The following LMBRD2 variants were observed in gnomAD, a reference collection of about 807,000 sequenced individuals.
LMBRD2 encodes G protein-coupled receptor-associated protein LMBRD2.
A neutral mutation model predicts 94.4 loss-of-function variants in LMBRD2; 55 were observed. The ratio of observed to expected loss-of-function variants is 0.58; its 90% CI spans 0.47 to 0.73. LMBRD2 has a LOEUF of 0.73. LMBRD2 is among the 30% of genes least tolerant of loss of function. The pLI is 0.00. For synonymous variants in LMBRD2, 246 were observed against 272.4 expected, an observed-to-expected ratio of 0.90 and a Z score of 0.95; for missense variants, 640 against 831.9, an observed-to-expected ratio of 0.77 and a Z score of 2.84.
At chr5:36,107,312 G>A (rs1743496162) in intron 16 of LMBRD2, among the ~76,000 whole-genome samples, 1 of 152,142 alleles carries the variant, frequency 6.6e-6, no homozygotes, top group African/African-American at 2.4e-5. Flanking sequence ...TCACTGCACT[G>A]TCTGATAATT....
rs188872614 is a variant in LMBRD2 at position 36,121,808 on chromosome 5, T to C, written c.1120+472A>G. Among the ~76,000 whole-genome samples the C allele has an allele frequency of 4.6e-5, 7 of 152,326 alleles. No homozygotes were observed. In the East Asian group the frequency reaches 1.3e-3, roughly 29 times the overall value. ...ATGTTTATATACACAAAAACCACTG[T>C]GTTACAACTGCCTACACTATTCAGT... On this transcript the variant is annotated intron_variant, in intron 9 of 17. Transcript: ENST00000296603.
intron 11 of LMBRD2, among the ~76,000 whole-genome samples, chr5:36,116,137 T>C (rs1266465881): frequency 6.6e-6 from 1 of 152,200 alleles, no homozygotes; most frequent in Non-Finnish European, 1.5e-5. Flanking sequence ...GACCGCTGAA[T>C]CTTAGAACAC....
chr5:36,137,224 A>T (rs1158250975), intron 5 of LMBRD2, 50 bp downstream of exon 5: 9 of 1,248,322 alleles, frequency 7.2e-6, no homozygotes, highest in East Asian at 2.4e-5. Context: ...ATGATTTTTT[A>T]AAAATGCAAA....
At chr5:36,112,825 T>C (rs935175312) in intron 13 of LMBRD2, among the ~76,000 whole-genome samples, 1 of 152,096 alleles carries the variant, frequency 6.6e-6, no homozygotes, top group African/African-American at 2.4e-5. Context: ...TTAAAAAAAT[T>C]TATACAAGTT....
At chr5:36,111,352 A>T (rs40029) in intron 13 of LMBRD2, 94 bp from the exon 14 acceptor site, 37 of 829,682 alleles carry the variant, frequency 4.5e-5, no homozygotes, top group Non-Finnish European at 7.2e-5. Flanking sequence ...CCAAAAGAAG[A>T]CTATGCTTCA....
chr5:36,116,310 A>G (rs896270095), intron 11 of LMBRD2, 150 bp downstream of exon 11: 1 of 791,820 alleles, frequency 1.3e-6, no homozygotes, highest in African/African-American at 1.8e-5. Context: ...CTGGCAATCA[A>G]CAAACATCAA....
In LMBRD2 at chr5:36,103,900, C is replaced by T; in HGVS notation, c.*146G>A. 3.5e-6 allele frequency: 2 copies of T among 574,824 alleles called. No homozygotes were observed. Among genetic ancestry groups the T allele is most frequent in the South Asian group, 2.2e-5 (1 of 45,874 alleles). 35.6% of individuals were successfully genotyped at this position (574,824 alleles called of 1,614,324 possible). ...TTCAATGCACATTAAACTATTATTC[C>T]TAAGATATAATTAATTCTCAGTGCC... On this transcript the variant is annotated 3_prime_UTR_variant, in exon 18 of 18. Coordinates refer to ENST00000296603, the MANE Select transcript of LMBRD2 (RefSeq NM_001007527.2).
chr5:36,120,706 T>A (rs1409859341), intron 9 of LMBRD2, among the ~76,000 whole-genome samples: 2 of 152,202 alleles, frequency 1.3e-5, no homozygotes, highest in East Asian at 3.9e-4. Flanking sequence ...CAATTGCTCC[T>A]CTTCTTATTT....
At chr5:36,141,271 C>A in intron 3 of LMBRD2, 69 bp from the exon 4 acceptor site, 5 of 863,898 alleles carry the variant, frequency 5.8e-6, no homozygotes, top group Admixed American at 2.2e-5. Context: ...AATTAATTTG[C>A]ATGTGGCCAA....
intron 1 of LMBRD2, among the ~76,000 whole-genome samples, chr5:36,145,969 T>C (rs918295433): frequency 1.3e-5 from 2 of 152,200 alleles, no homozygotes; most frequent in Admixed American, 6.5e-5. Flanking sequence ...CTTTAGGTGG[T>C]AAGATTATGG....
rs754944387 is a variant in LMBRD2 at position 36,117,721 on chromosome 5, TA to T, written c.1302+13del. The T allele has an allele frequency of 5.1e-6, 8 of 1,556,892 alleles. No individual in the cohort carries two copies. The highest frequency in any genetic ancestry group is 6.2e-6 in the Non-Finnish European group (7 of 1,138,066). On this transcript the variant is annotated intron_variant, in intron 10 of 17. Coordinates refer to ENST00000296603, the MANE Select transcript of LMBRD2 (RefSeq NM_001007527.2). ...AAGTGACATCTATTTATGACAGACA[TA>T]AAATAAACTGACCTCGATATAAATA... is the stretch of plus-strand genomic sequence containing the variant.
rs1743386316 is a variant in LMBRD2, at chr5:36,103,403, AG to A, written c.*642del. On this transcript the variant is annotated 3_prime_UTR_variant, in exon 18 of 18. Coordinates refer to ENST00000296603, the MANE Select transcript of LMBRD2 (RefSeq NM_001007527.2). ...AAGGAATACTATATCACCTGATTAT[AG>A]TACACATGCTAAATACACAGACACG... 1 of 152,358 alleles carries A rather than the reference AG, an allele frequency of 6.6e-6. No individual in the cohort carries two copies. Among genetic ancestry groups the A allele is most frequent in the African/African-American group, 2.4e-5 (1 of 41,432 alleles). The allele number at this position is 152,358 out of a possible 1,614,324, so 9.4% of individuals were successfully genotyped here.
At chr5:36,126,986 G>A (rs894642638) in intron 6 of LMBRD2, among the ~76,000 whole-genome samples, 10 of 152,146 alleles carry the variant, frequency 6.6e-5, no homozygotes, top group East Asian at 5.8e-4. Flanking sequence ...TACCCATCCC[G>A]CAAGGCCCAG....
rs1174697183 is a variant in LMBRD2, at chr5:36,098,802, T to C, written c.*5244A>G. On this transcript the variant is annotated 3_prime_UTR_variant, in exon 18 of 18. Coordinates refer to ENST00000296603, the MANE Select transcript of LMBRD2 (RefSeq NM_001007527.2). ...TTTTCCAAGTACATATTTGAAAATG[T>C]AGTGAGAATCTACAGAGAAAAAAAA... 6.6e-6 allele frequency: 1 copy of C among 151,718 alleles called. No individual in the cohort carries two copies. The highest frequency in any genetic ancestry group is 2.4e-5 in the African/African-American group (1 of 41,124). 9.4% of individuals were successfully genotyped at this position (151,718 alleles called of 1,614,324 possible).
chr5:36,126,573 C>T (rs1476158799), intron 6 of LMBRD2, among the ~76,000 whole-genome samples: 1 of 152,178 alleles, frequency 6.6e-6, no homozygotes, highest in Non-Finnish European at 1.5e-5. Context: ...GTTTCTCCCT[C>T]CCTAAAATTC....
At chr5:36,122,209 G>A (rs561649306) in intron 9 of LMBRD2, 71 bp downstream of exon 9, 1 of 1,144,686 alleles carries the variant, frequency 8.7e-7, no homozygotes, top group African/African-American at 1.6e-5. Flanking sequence ...TTGCATTGGT[G>A]AAAATACATA....
At chr5:36,114,559 C>T (rs1743693674) in intron 12 of LMBRD2, 38 bp from the exon 13 acceptor site, 1 of 1,492,868 alleles carries the variant, frequency 6.7e-7, no homozygotes, top group South Asian at 1.5e-5. Context: ...ATTGGAATAG[C>T]TCTATAATTT....
Position 36,151,401 on chromosome 5 carries a change from C to T in LMBRD2, c.-58+155G>A, listed in dbSNP as rs1744707369. On this transcript the variant is annotated intron_variant, in intron 1 of 17. Coordinates refer to ENST00000296603, the MANE Select transcript of LMBRD2 (RefSeq NM_001007527.2). The surrounding 1 kb of genome is among the most constrained non-coding windows in gnomAD (Gnocchi z 4.7). ...AAAATTAAACCATTGTCTCTCGTTC[C>T]AACGGCGTGTTTAGCTGTTGTGCGT... 1.3e-5 allele frequency among the ~76,000 whole-genome samples: 2 copies of T among 152,200 alleles called. No homozygotes were observed. The highest frequency in any genetic ancestry group is 1.3e-4 in the Admixed American group (2 of 15,276).
At chr5:36,133,325 C>T (rs560426218) in intron 6 of LMBRD2, among the ~76,000 whole-genome samples, 1 of 151,190 alleles carries the variant, frequency 6.6e-6, no homozygotes, top group African/African-American at 2.4e-5. Flanking sequence ...CACATGTTCC[C>T]ACTTATTTAC....
Sources: gnomAD v4.1 joint callset for allele counts (sites outside exome capture counted in the v4.1 genomes callset) on GRCh38, gnomAD v4.1.1 for gene constraint, Gnocchi (gnomAD v3.1) non-coding constraint, MANE v1.5 for transcripts, NCBI Gene and HGNC (gene_info 2026-07-23, HGNC 2026-07-21) for gene names.